Variants in SHE observed in about 807,000 individuals in gnomAD.
SHE encodes the protein SH2 domain-containing adapter protein E.
A neutral mutation model predicts 49.8 loss-of-function variants in SHE; 11 were observed. The observed-to-expected ratio is 0.22, with a 90% CI of 0.14 to 0.37. The LOEUF is 0.37. Among genes scored for constraint, SHE ranks in the 10% least tolerant of loss-of-function variants. The pLI is 1.00. For missense variants in SHE, 624 were observed against 655.5 expected (o/e 0.95, Z 0.52); for synonymous variants, 310 against 278.1 (o/e 1.11, Z -1.14).
At chr1:154,472,942 G>T (rs1691779054) in intron 1 of SHE, among the ~76,000 whole-genome samples, 1 of 152,224 alleles carries the variant, frequency 6.6e-6, no homozygotes, top group East Asian at 1.9e-4. Context: ...CAGGGGGATG[G>T]CTTGAGGCCA....
Position 154,481,633 on chromosome 1 carries a change from C to A in SHE, c.*2516G>T. 2.0e-6 allele frequency: 2 copies of A among 983,892 alleles called. No individual in the cohort carries two copies. Among genetic ancestry groups the A allele is most frequent in the African/African-American group, 1.7e-5 (1 of 57,256 alleles). The allele number at this position is 983,892 out of a possible 1,614,324, so 60.9% of individuals were successfully genotyped here. A position where few individuals can be genotyped will look rare whatever the true frequency, so the allele number is the denominator to read the frequency against. The stretch of plus-strand genomic sequence containing the variant: ...TTAAAATTAGAATAACTGCTGTATT[C>A]CCTTTGTAGAATAAGGTTAAGTAAA... On this transcript the variant is annotated 3_prime_UTR_variant, in exon 6 of 6. Coordinates refer to ENST00000304760, the MANE Select transcript of SHE (RefSeq NM_001010846.3).
rs900041645 is a variant in SHE at position 154,481,089 on chromosome 1, G to A, written c.*3060C>T. ...TTGTCTCAAGACAAAATGACAAAAA[G>A]CCAGAGCATTCAGAGCTCAGAGAAC... On this transcript the variant is annotated 3_prime_UTR_variant, in exon 6 of 6. Transcript: ENST00000304760. The A allele has an allele frequency of 1.0e-6, 1 of 985,304 alleles. No individual in the cohort carries two copies. Among genetic ancestry groups the A allele is most frequent in the South Asian group, 4.7e-5 (1 of 21,290 alleles). 61.0% of individuals were successfully genotyped at this position (985,304 alleles called of 1,614,324 possible). A position where few individuals can be genotyped will look rare whatever the true frequency, so the allele number is the denominator to read the frequency against.
At chr1:154,485,569 T>G (rs1467982097) in intron 5 of SHE, 1 of 158,538 alleles carries the variant, frequency 6.3e-6, no homozygotes, top group African/African-American at 2.4e-5. Flanking sequence ...CTTGATTTAT[T>G]AAAGTCCCCA....
chr1:154,498,131 T>A (rs1180314078), intron 2 of SHE, among the ~76,000 whole-genome samples: 3 of 152,162 alleles, frequency 2.0e-5, no homozygotes, highest in Non-Finnish European at 4.4e-5. Context: ...CCACTCTTGT[T>A]GCCCAGGCTG....
intron 4 of SHE, among the ~76,000 whole-genome samples, 196 bp from the exon 5 acceptor site, chr1:154,486,258 T>C (rs190361352): frequency 4.9e-4 from 74 of 152,332 alleles, no homozygotes; most frequent in Non-Finnish European, 8.5e-4. Flanking sequence ...CTATCAATCA[T>C]ACAAGAGTGA....
rs1692188120 is a variant in SHE, at chr1:154,486,567, C to T, written c.1141G>A (p.Gly381Arg). 2 of 1,614,064 alleles carry T rather than the reference C, an allele frequency of 1.2e-6. No individual in the cohort carries two copies. The highest frequency in any genetic ancestry group is 1.7e-6 in the Non-Finnish European group (2 of 1,180,040). The change falls in exon 4 of 6, where the codon GGA becomes AGA. Residue 381 changes from glycine (G) to arginine (R), a missense_variant. Gly to Arg is a moderately radical substitution (Grantham distance 125). Around this residue, in one of 4 missense-constraint regions of SHE, gnomAD observed 125 missense variants for 181.7 expected, o/e 0.69. Transcript: ENST00000304760. The part of the protein sequence containing the change: ...LKPALSDHSE[G>R]EKVDPGLPLE... ...GGCAGGCCCGGGTCCACTTTCTCTCCCTCACTGTGGTCCGAGAGGGCTGGC... is the reference window on the plus strand; with the variant it reads ...GGCAGGCCCGGGTCCACTTTCTCTCTCTCACTGTGGTCCGAGAGGGCTGGC...
intron 3 of SHE, among the ~76,000 whole-genome samples, chr1:154,488,269 T>C (rs1692245994): frequency 6.6e-6 from 1 of 151,592 alleles, no homozygotes; most frequent in South Asian, 2.1e-4. Context: ...ATTATTATTA[T>C]TATTTTTGAG....
In SHE at chr1:154,481,421, G is replaced by C; in HGVS notation, c.*2728C>G. ...TTTAATTCTATAAAGAATATAGTAT[G>C]ACTTGTCACAGAGAAACAGTATAGA... On this transcript the variant is annotated 3_prime_UTR_variant, in exon 6 of 6. Coordinates refer to ENST00000304760, the MANE Select transcript of SHE (RefSeq NM_001010846.3). 3.0e-6 allele frequency: 3 copies of C among 985,404 alleles called. No individual in the cohort carries two copies. The highest frequency in any genetic ancestry group is 3.6e-6 in the Non-Finnish European group (3 of 829,924). The allele number at this position is 985,404 out of a possible 1,614,324, so 61.0% of individuals were successfully genotyped here.
In SHE at chr1:154,501,478, C is replaced by T. The variant is rs766023780; in HGVS notation, c.549G>A (p.Gly183=). The T allele has an allele frequency of 1.2e-6, 2 of 1,614,126 alleles. No individual in the cohort carries two copies. The highest frequency in any genetic ancestry group is 1.3e-5 in the African/African-American group (1 of 75,016). ...TAATCTTGCCCTTGTCCAGCTCGGGCCCCAGGGAGGAAGGGGAAGAGGACG... is the reference window on the plus strand; with the variant it reads ...TAATCTTGCCCTTGTCCAGCTCGGGTCCCAGGGAGGAAGGGGAAGAGGACG... ...SSASSSPSSL[G]PELDKGKIIK... The change falls in exon 1 of 6, where the codon GGG becomes GGA. Residue 183 remains glycine (G), a synonymous_variant. Transcript: ENST00000304760.
In SHE at chr1:154,499,524, G is replaced by A. The variant is rs548347946; in HGVS notation, c.592-286C>T. On this transcript the variant is annotated intron_variant, in intron 1 of 5. Coordinates refer to ENST00000304760, the MANE Select transcript of SHE (RefSeq NM_001010846.3). The stretch of plus-strand genomic sequence containing the variant: ...GCAATAAAACATTTTCTGGGTTAGA[G>A]GGTGGCAGGGGTGGATGTGGGGAGT... Among the ~76,000 whole-genome samples, 10 of 152,244 alleles carry A rather than the reference G, an allele frequency of 6.6e-5. No individual in the cohort carries two copies. In the East Asian group the frequency reaches 1.5e-3, roughly 24 times the overall value.
At chr1:154,477,800 A>G (rs181033514), downstream of SHE, among the ~76,000 whole-genome samples, 7 of 150,190 alleles carry the variant, frequency 4.7e-5, no homozygotes, top group African/African-American at 1.7e-4. Context: ...CTGAGGCAGG[A>G]GAATTGCTGG....
chr1:154,491,093 A>G (rs980522123), intron 2 of SHE, among the ~76,000 whole-genome samples: 1 of 152,180 alleles, frequency 6.6e-6, no homozygotes, highest in African/African-American at 2.4e-5. Flanking sequence ...AGTCTATATT[A>G]TAGACCAACA....
intron 2 of SHE, among the ~76,000 whole-genome samples, chr1:154,496,355 GAATTT>G (rs1314312452): frequency 1.3e-5 from 2 of 152,118 alleles, no homozygotes; most frequent in Non-Finnish European, 2.9e-5. Flanking sequence ...ATTCCTAAAT[GAATTT>G]ATTTTCAGAA....
intron 4 of SHE, among the ~76,000 whole-genome samples, 189 bp downstream of exon 4, chr1:154,486,338 T>C (rs927393980): frequency 6.6e-6 from 1 of 152,214 alleles, no homozygotes; most frequent in African/African-American, 2.4e-5. Flanking sequence ...AATGAGCTTG[T>C]TGAGATGCAG....
rs541409309 is a variant in SHE, at chr1:154,488,925, A to C, written c.1024+126T>G. 1.9e-3 allele frequency: 2,510 copies of C among 1,295,904 alleles called. 2 individuals carry two copies. Among genetic ancestry groups the C allele is most frequent in the Non-Finnish European group, 2.3e-3 (2,185 of 965,520 alleles). 80.3% of individuals were successfully genotyped at this position (1,295,904 alleles called of 1,614,324 possible). A position where few individuals can be genotyped will look rare whatever the true frequency, so the allele number is the denominator to read the frequency against. On this transcript the variant is annotated intron_variant, in intron 3 of 5. Coordinates refer to ENST00000304760, the MANE Select transcript of SHE (RefSeq NM_001010846.3). ...CAATGGTCATTTCAGGCATTTCCAA[A>C]ACAGTTGCACATTGAGAAGAGAAAG...
chr1:154,489,472 G>A (rs1319546100), intron 2 of SHE, 116 bp from the exon 3 acceptor site: 8 of 1,281,428 alleles, frequency 6.2e-6, no homozygotes, highest in South Asian at 1.4e-5. Context: ...GTCTGTCTGG[G>A]TGAAGGTGGC....
At chr1:154,486,910 C>T (rs931931702) in intron 3 of SHE, among the ~76,000 whole-genome samples, 1 of 152,186 alleles carries the variant, frequency 6.6e-6, no homozygotes, top group African/African-American at 2.4e-5. Context: ...AAATATTCAT[C>T]AGTATAAAAC....
chr1:154,471,054 TC>T (rs1691731815), intron 1 of SHE, among the ~76,000 whole-genome samples: 1 of 149,564 alleles, frequency 6.7e-6, no homozygotes, highest in African/African-American at 2.5e-5. Context: ...AAAGAAAGGT[TC>T]AAATGCAGCA....
At chr1:154,471,417 G>GA (rs957415031) in intron 1 of SHE, among the ~76,000 whole-genome samples, 16 of 151,842 alleles carry the variant, frequency 1.1e-4, no homozygotes, top group South Asian at 6.2e-4. Flanking sequence ...CTACAAAAAA[G>GA]AAAAAAAATT....
Sources: allele counts gnomAD v4.1 joint callset (sites outside exome capture counted in the v4.1 genomes callset), GRCh38; gene constraint gnomAD v4.1.1; regional missense constraint gnomAD v4.1.1; transcripts MANE v1.5; gene names NCBI Gene and HGNC (gene_info 2026-07-23, HGNC 2026-07-21).